The following LARS2 variants were observed in gnomAD, a reference collection of about 807,000 sequenced individuals.
LARS2 encodes the protein leucine--tRNA ligase, mitochondrial.
In LARS2, 81 loss-of-function variants were observed where a neutral mutation model predicts 116.6. The ratio of observed to expected loss-of-function variants is 0.69; its 90% CI spans 0.58 to 0.84. The LOEUF is 0.84. Among genes scored for constraint, LARS2 ranks in the 40% least tolerant of loss-of-function variants. The probability of loss-of-function intolerance (pLI) is 0.00; values close to 1 mark genes in which losing one functional copy is unlikely to be tolerated. For synonymous variants in LARS2, 396 were observed against 407.2 expected, an observed-to-expected ratio of 0.97 and a Z score of 0.33; for missense variants, 968 against 1,114.5, an observed-to-expected ratio of 0.87 and a Z score of 1.87.
At chr3:45,508,944 T>C (rs181254873) in intron 15 of LARS2, among the ~76,000 whole-genome samples, 2 of 151,586 alleles carry the variant, frequency 1.3e-5, no homozygotes, top group Admixed American at 1.3e-4. Context: ...TGGCCTTCAA[T>C]GCCCAGCAGC....
At chr3:45,431,588 A>G (rs749868533) in intron 6 of LARS2, among the ~76,000 whole-genome samples, 8 of 152,204 alleles carry the variant, frequency 5.3e-5, no homozygotes, top group Non-Finnish European at 1.2e-4. Context: ...GCTGGTATAA[A>G]TTCAAATGGG....
chr3:45,430,003 CTTTTTTTTTTTTT>C (rs66989698), intron 6 of LARS2, among the ~76,000 whole-genome samples: 2 of 56,954 alleles, frequency 3.5e-5, no homozygotes, highest in Non-Finnish European at 5.8e-5. Flanking sequence ...TGCCCAGCCT[CTTTTTTTTTTTTT>C]TTTTTTTTTT....
intron 20 of LARS2, chr3:45,538,254 G>C (rs1389174160): frequency 6.6e-6 from 1 of 152,212 alleles, no homozygotes; most frequent in African/African-American, 2.4e-5. Context: ...ACTGCTCCAG[G>C]AAGGCTGGGC....
intron 6 of LARS2, among the ~76,000 whole-genome samples, chr3:45,431,450 T>TA (rs1698712746): frequency 6.6e-6 from 1 of 152,238 alleles, no homozygotes; most frequent in Non-Finnish European, 1.5e-5. Context: ...GAATACGTTA[T>TA]AAAAAACAAC....
At chr3:45,506,200 A>T (rs1018048808) in intron 15 of LARS2, among the ~76,000 whole-genome samples, 2 of 152,080 alleles carry the variant, frequency 1.3e-5, no homozygotes, top group African/African-American at 4.8e-5. Context: ...ACCTTTGAGG[A>T]AGGTACAGAA....
At chr3:45,469,169 T>C (rs1048638923) in intron 8 of LARS2, among the ~76,000 whole-genome samples, 3 of 152,190 alleles carry the variant, frequency 2.0e-5, no homozygotes, top group Admixed American at 2.0e-4. Context: ...CACAGTGGTA[T>C]TTGCAAATAA....
chr3:45,486,661 G>A (rs1386307012), intron 11 of LARS2, among the ~76,000 whole-genome samples: 3 of 152,270 alleles, frequency 2.0e-5, no homozygotes, highest in East Asian at 1.9e-4. Context: ...TTGAAGAAAC[G>A]TCAAAGCAGA....
At chr3:45,477,202 T>G (rs1377549331) in intron 10 of LARS2, among the ~76,000 whole-genome samples, 1 of 152,226 alleles carries the variant, frequency 6.6e-6, no homozygotes, top group Non-Finnish European at 1.5e-5. Flanking sequence ...ATTTGAAGAT[T>G]CTGTGGTTGC....
intron 17 of LARS2, among the ~76,000 whole-genome samples, chr3:45,517,336 C>T (rs1426647427): frequency 6.6e-6 from 1 of 152,222 alleles, no homozygotes; most frequent in Non-Finnish European, 1.5e-5. Context: ...AACCCAGGGC[C>T]ACCAGGTAAA....
chr3:45,536,683 G>A (rs80298303), intron 20 of LARS2, among the ~76,000 whole-genome samples: 7,302 of 152,152 alleles, frequency 0.048, 181 homozygotes, highest in Middle Eastern at 0.085. Flanking sequence ...TGGGCTTCTT[G>A]AAGCAAAGCG....
chr3:45,512,903 G>A (rs963937688), intron 15 of LARS2, among the ~76,000 whole-genome samples: 1 of 152,176 alleles, frequency 6.6e-6, no homozygotes, highest in Admixed American at 6.5e-5. Flanking sequence ...TGTAATCCCA[G>A]TACTTTGGGG....
At chr3:45,419,324 A>G (rs1698479640) in intron 5 of LARS2, among the ~76,000 whole-genome samples, 1 of 152,226 alleles carries the variant, frequency 6.6e-6, no homozygotes, top group African/African-American at 2.4e-5. Flanking sequence ...GGCTTAAATA[A>G]TATGGCTTAA....
chr3:45,474,488 A>G (rs1699580547), intron 9 of LARS2, 138 bp downstream of exon 9: 6 of 440,524 alleles, frequency 1.4e-5, no homozygotes, highest in Non-Finnish European at 2.4e-5. Flanking sequence ...TCTAGTAGCC[A>G]CATTTTTTAA....
Position 45,446,873 on chromosome 3 carries a change from T to A in LARS2, c.517-18T>A, listed in dbSNP as rs1306097362. On this transcript the variant is annotated intron_variant, in intron 6 of 21. Transcript: ENST00000645846. ...TGTTTATAATGGCCTGTACATTATT[T>A]TTCTTCTTTGTTGGCAGGAAATAAC... 6.5e-7 allele frequency: 1 copy of A among 1,529,246 alleles called. No homozygotes were observed. Among genetic ancestry groups the A allele is most frequent in the Non-Finnish European group, 9.0e-7 (1 of 1,106,490 alleles). The allele number at this position is 1,529,246 out of a possible 1,614,324, so 94.7% of individuals were successfully genotyped here.
At chr3:45,417,205 G>C (rs1367996918) in intron 4 of LARS2, among the ~76,000 whole-genome samples, 2 of 151,994 alleles carry the variant, frequency 1.3e-5, no homozygotes, top group Non-Finnish European at 2.9e-5. Flanking sequence ...AAACAATTTG[G>C]GTTCAATATA....
Position 45,464,546 on chromosome 3 carries a change from C to A in LARS2, c.750+5660C>A, listed in dbSNP as rs77916699. 3.4e-3 allele frequency among the ~76,000 whole-genome samples: 520 copies of A among 152,286 alleles called. 3 individuals are homozygous for A. Among genetic ancestry groups the A allele is most frequent in the African/African-American group, 0.012 (488 of 41,568 alleles). ...TCTCCAGTCACATCGTCCCCTTAAT[C>A]CCCTTCACCCCTGTCACTCCTGTGT... is the stretch of plus-strand genomic sequence containing the variant. On this transcript the variant is annotated intron_variant, in intron 8 of 21. Transcript: ENST00000645846.
intron 6 of LARS2, among the ~76,000 whole-genome samples, chr3:45,437,860 C>CCTTT (rs10663231): frequency 0.75 from 114,097 of 151,666 alleles, 44,690 homozygotes; most frequent in East Asian, 0.99. Flanking sequence ...AAGACAAAAC[C>CCTTT]CTTTCATAGG....
At chr3:45,397,144 A>C (rs1255841713) in intron 3 of LARS2, among the ~76,000 whole-genome samples, 1 of 152,246 alleles carries the variant, frequency 6.6e-6, no homozygotes, top group African/African-American at 2.4e-5. Flanking sequence ...CTATCATTTA[A>C]ATCTTAATCT....
chr3:45,408,497 G>A (rs539660468), intron 4 of LARS2, among the ~76,000 whole-genome samples: 1 of 152,358 alleles, frequency 6.6e-6, no homozygotes, highest in East Asian at 1.9e-4. Context: ...TACGGCAGAA[G>A]GGCTGACTCC....
Sources: allele counts gnomAD v4.1 joint callset (sites outside exome capture counted in the v4.1 genomes callset), GRCh38; gene constraint gnomAD v4.1.1; transcripts MANE v1.5; gene names NCBI Gene and HGNC (gene_info 2026-07-23, HGNC 2026-07-21).